The following CROCC2 variants were observed in gnomAD, a reference collection of about 807,000 sequenced individuals.
CROCC2 encodes ciliary rootlet coiled-coil, rootletin family member 2.
CROCC2 carries 163 observed loss-of-function variants against 177.6 expected under a neutral mutation model. The observed-to-expected ratio is 0.92, with a 90% CI of 0.81 to 1.05. CROCC2 has a LOEUF of 1.05. Among genes scored for constraint, CROCC2 ranks in the 50% least tolerant of loss-of-function variants. The pLI is 0.00. For missense variants in CROCC2, 1,929 were observed against 1,797.8 expected (o/e 1.07, Z -1.32); for synonymous variants, 904 against 787.3 (o/e 1.15, Z -2.48).
intron 14 of CROCC2, among the ~76,000 whole-genome samples, chr2:240,944,143 C>T (rs1034280874): frequency 1.6e-4 from 25 of 152,288 alleles, no homozygotes; most frequent in African/African-American, 5.8e-4. Flanking sequence ...TGAAGTCATT[C>T]CATCATCTTC....
chr2:240,963,799 G>C (rs2059658887), intron 21 of CROCC2, 26 bp downstream of exon 21: 5 of 1,542,172 alleles, frequency 3.2e-6, no homozygotes, highest in Middle Eastern at 1.9e-4. Flanking sequence ...AGGAGCAGCT[G>C]GGGGTGCCCT....
intron 14 of CROCC2, among the ~76,000 whole-genome samples, chr2:240,937,189 G>T (rs199772556): frequency 6.6e-6 from 1 of 152,058 alleles, no homozygotes; most frequent in South Asian, 2.1e-4. Flanking sequence ...CTGTTTTTTT[G>T]GGTTTTGTTT....
Position 240,955,859 on chromosome 2 carries a change from G to T in CROCC2, c.2830G>T (p.Ala944Ser), listed in dbSNP as rs1273524639. 1.3e-6 allele frequency: 2 copies of T among 1,534,176 alleles called. No homozygotes were observed. Among genetic ancestry groups the T allele is most frequent in the Non-Finnish European group, 1.7e-6 (2 of 1,146,186 alleles). ...LLQLEHKMQQALSLKETERSL... is the reference protein window; with the variant it reads ...LLQLEHKMQQSLSLKETERSL... ...CACAAGCATACCCCGTCCTGTTCAG[G>T]CCCTGTCCCTGAAAGAAACAGAGCG... is the stretch of plus-strand genomic sequence containing the variant. Residue 944 changes from alanine to serine, a missense_variant and splice_region_variant, in exon 19 of 32, where the codon GCC becomes TCC. By Grantham distance (99) the Ala-to-Ser change is moderately conservative. Coordinates refer to ENST00000690015, the MANE Select transcript of CROCC2 (RefSeq NM_001351305.2).
At chr2:240,941,541 C>A (rs1267209315) in intron 14 of CROCC2, among the ~76,000 whole-genome samples, 2 of 152,148 alleles carry the variant, frequency 1.3e-5, no homozygotes, top group Non-Finnish European at 2.9e-5. Flanking sequence ...TTACAGTCAA[C>A]TGATGTTCGA....
At chr2:240,970,630 G>A (rs555101506) in intron 27 of CROCC2, among the ~76,000 whole-genome samples, 189 of 152,230 alleles carry the variant, frequency 1.2e-3, no homozygotes, top group Non-Finnish European at 2.1e-3. Flanking sequence ...TTCCACCTGC[G>A]CCCTAGGAGC....
intron 14 of CROCC2, among the ~76,000 whole-genome samples, chr2:240,942,450 G>A (rs1463409361): frequency 1.3e-5 from 2 of 151,934 alleles, no homozygotes; most frequent in African/African-American, 2.4e-5. Flanking sequence ...TATTTCTATT[G>A]TCTTTTATTT....
chr2:240,916,638 C>A (rs1051879844), intron 1 of CROCC2, among the ~76,000 whole-genome samples: 1 of 152,074 alleles, frequency 6.6e-6, no homozygotes, highest in Middle Eastern at 3.2e-3. Context: ...CAGCGCCTCT[C>A]GGGACGTCCC....
At position 240,949,135 on chromosome 2, in the gene CROCC2, G is replaced by T; in HGVS notation, c.2482+38G>T. On this transcript the variant is annotated intron_variant, in intron 16 of 31. Transcript: ENST00000690015. The surrounding 1 kb of genome is among the most constrained non-coding windows in gnomAD (Gnocchi z 4.5). ...CGCTCCCTCAGCTCCTTCCCCGAAAGTCAGCCATGGAGGGGCCCCTGGAAT... is the reference window on the plus strand; with the variant it reads ...CGCTCCCTCAGCTCCTTCCCCGAAATTCAGCCATGGAGGGGCCCCTGGAAT... The T allele has an allele frequency of 6.7e-7, 1 of 1,492,174 alleles. No individual in the cohort carries two copies. The highest frequency in any genetic ancestry group is 8.9e-7 in the Non-Finnish European group (1 of 1,122,468). The allele number at this position is 1,492,174 out of a possible 1,614,324, so 92.4% of individuals were successfully genotyped here.
intron 20 of CROCC2, 75 bp downstream of exon 20, chr2:240,959,519 A>G: frequency 6.7e-7 from 1 of 1,492,928 alleles, no homozygotes; most frequent in Non-Finnish European, 9.0e-7. Flanking sequence ...AAGAGAGGAG[A>G]GAGTGGGGGT....
intron 4 of CROCC2, among the ~76,000 whole-genome samples, chr2:240,923,541 GCCCCCACACTAACCCGGC>G (rs2059372155): frequency 5.6e-5 from 3 of 53,764 alleles, no homozygotes; most frequent in African/African-American, 1.7e-4. Flanking sequence ...CACTAACCCG[GCCCCCACACTAACCCGGC>G]CCCCCACACT....
At chr2:240,913,739 C>T (rs760815717) in intron 1 of CROCC2, among the ~76,000 whole-genome samples, 3 of 152,262 alleles carry the variant, frequency 2.0e-5, no homozygotes, top group Non-Finnish European at 4.4e-5. Context: ...GAGACTTAAA[C>T]TGAGCAATTG....
intron 4 of CROCC2, among the ~76,000 whole-genome samples, 193 bp downstream of exon 4, chr2:240,922,838 G>A (rs2059365644): frequency 6.6e-6 from 1 of 152,180 alleles, no homozygotes; most frequent in African/African-American, 2.4e-5. Flanking sequence ...AGGCACGGCT[G>A]GGAAGGGGGA....
At position 240,972,358 on chromosome 2, in the gene CROCC2, G is replaced by A. The variant is rs540564636; in HGVS notation, c.4401+4096G>A. Among the ~76,000 whole-genome samples the A allele has an allele frequency of 2.0e-5, 3 of 152,248 alleles. No individual in the cohort carries two copies. Among genetic ancestry groups the A allele is most frequent in the South Asian group, 2.1e-4 (1 of 4,826 alleles). Reference sequence around the variant, plus strand: ...GTTCTGTTCCTGAAGTGGGCGGGGTGGGAGCGGCGCTCTCCGGTGCACGGT... The same window carrying A: ...GTTCTGTTCCTGAAGTGGGCGGGGTAGGAGCGGCGCTCTCCGGTGCACGGT... On this transcript the variant is annotated intron_variant, in intron 27 of 31. Transcript: ENST00000690015. This position sits in a 1 kb window ranked among gnomAD's most constrained non-coding sequence, Gnocchi z 7.1.
intron 1 of CROCC2, among the ~76,000 whole-genome samples, chr2:240,911,296 CTT>C (rs35968018): frequency 1.6e-5 from 2 of 123,070 alleles, no homozygotes; most frequent in African/African-American, 6.1e-5. Flanking sequence ...ACGTCCACAA[CTT>C]TTTTTTTTTT....
chr2:240,949,101 C>T lies in CROCC2; in HGVS notation c.2482+4C>T, dbSNP rs778299367. 2.0e-6 allele frequency: 3 copies of T among 1,528,684 alleles called. No individual in the cohort carries two copies. Among genetic ancestry groups the T allele is most frequent in the African/African-American group, 1.4e-5 (1 of 72,362 alleles). The allele number at this position is 1,528,684 out of a possible 1,614,324, so 94.7% of individuals were successfully genotyped here. ...CTCGCGCGGCAGGCCTTGCAAGGTG[C>T]TCCAAGGGCGCTCCCTCAGCTCCTT... On this transcript the variant is annotated splice_donor_region_variant and intron_variant, in intron 16 of 31. Coordinates refer to ENST00000690015, the MANE Select transcript of CROCC2 (RefSeq NM_001351305.2). The surrounding 1 kb of genome is among the most constrained non-coding windows in gnomAD (Gnocchi z 4.5).
chr2:240,987,701 C>T (rs748023309), intron 28 of CROCC2, among the ~76,000 whole-genome samples: 9 of 152,228 alleles, frequency 5.9e-5, no homozygotes, highest in Non-Finnish European at 8.8e-5. Context: ...GGCCAGCACC[C>T]GACAGAGGGC....
chr2:240,948,869 T>G, intron 15 of CROCC2, 110 bp from the exon 16 acceptor site: 1 of 982,826 alleles, frequency 1.0e-6, no homozygotes, highest in Non-Finnish European at 1.5e-6. Context: ...CATTCTTCCA[T>G]TTATTTGCAT....
At chr2:240,983,594 G>T in intron 28 of CROCC2, 1 of 1,282,788 alleles carries the variant, frequency 7.8e-7, no homozygotes, top group South Asian at 1.2e-5. Context: ...CGGCAGCGGT[G>T]GTCCTTAGAG....
chr2:240,956,028 A>G (rs2059588121), intron 19 of CROCC2, 56 bp downstream of exon 19: 1 of 1,313,530 alleles, frequency 7.6e-7, no homozygotes, highest in African/African-American at 1.5e-5. Flanking sequence ...GGCAGACCCC[A>G]GGGGGCCACC....
Sources: allele counts gnomAD v4.1 joint callset (sites outside exome capture counted in the v4.1 genomes callset), GRCh38; gene constraint gnomAD v4.1.1; non-coding constraint Gnocchi (gnomAD v3.1); transcripts MANE v1.5; gene names NCBI Gene and HGNC (gene_info 2026-07-23, HGNC 2026-07-21).